CRACR2A: variants seen among roughly 807,000 people sequenced by gnomAD.
CRACR2A encodes the protein calcium release activated channel regulator 2A.
CRACR2A carries 79 observed loss-of-function variants against 90.5 expected under a neutral mutation model. The observed-to-expected ratio is 0.87, with a 90% CI of 0.73 to 1.05. The LOEUF (loss-of-function observed/expected upper bound fraction) is 1.05, where lower values mean the gene tolerates loss of function less well. Ranked by LOEUF, CRACR2A falls within the 50% of genes least tolerant of loss-of-function variation. The pLI is 0.00. For synonymous variants in CRACR2A, 338 were observed against 356.7 expected (o/e 0.95, Z 0.59); for missense variants, 823 against 897.2 (o/e 0.92, Z 1.06).
intron 1 of CRACR2A, among the ~76,000 whole-genome samples, chr12:3,745,825 TAAAGAA>T (rs1199975908): frequency 4.0e-5 from 4 of 100,486 alleles, no homozygotes; most frequent in Admixed American, 1.1e-4. Flanking sequence ...TAAAATAAAA[TAAAGAA>T]AGAAAAGAGA....
chr12:3,733,388 C>A (rs1380570766), intron 1 of CRACR2A, among the ~76,000 whole-genome samples, 178 bp from the exon 2 acceptor site: 2 of 152,224 alleles, frequency 1.3e-5, no homozygotes, highest in African/African-American at 2.4e-5. Flanking sequence ...TGACCTCCTC[C>A]CCAGCTCAGA....
At chr12:3,696,705 G>C in intron 4 of CRACR2A, 67 bp downstream of exon 4, 1 of 1,605,178 alleles carries the variant, frequency 6.2e-7, no homozygotes, top group South Asian at 1.1e-5. Context: ...CACGGGGCAA[G>C]CTCTAACCCA....
At chr12:3,748,776 G>A (rs1946661215) in intron 1 of CRACR2A, among the ~76,000 whole-genome samples, 1 of 152,206 alleles carries the variant, frequency 6.6e-6, no homozygotes, top group Non-Finnish European at 1.5e-5. Flanking sequence ...TGTGGAGCCT[G>A]TAGAGGACAA....
chr12:3,664,653 A>G (rs560602571), intron 7 of CRACR2A, among the ~76,000 whole-genome samples: 13 of 152,182 alleles, frequency 8.5e-5, no homozygotes, highest in Non-Finnish European at 1.6e-4. Flanking sequence ...GATCTCTGAG[A>G]TGTTAATTAG....
rs142243461 is a variant in CRACR2A at position 3,639,182 on chromosome 12, G to A, written c.1272-728C>T. 3.9e-3 allele frequency among the ~76,000 whole-genome samples: 587 copies of A among 152,256 alleles called. 5 individuals carry two copies. The highest frequency in any genetic ancestry group is 0.013 in the African/African-American group (539 of 41,540). On this transcript the variant is annotated intron_variant, in intron 13 of 19. Coordinates refer to ENST00000440314, the MANE Select transcript of CRACR2A (RefSeq NM_001144958.2). ...TTGGGTCAGAAGAAAGCCAGGCAGA[G>A]CATCTCCATCCACCTCTCCTTCCTC...
At chr12:3,739,696 G>T (rs1946496590) in intron 1 of CRACR2A, among the ~76,000 whole-genome samples, 1 of 152,146 alleles carries the variant, frequency 6.6e-6, no homozygotes, top group Admixed American at 6.5e-5. Context: ...AGCACTTTGG[G>T]AGGCCGAGGC....
intron 1 of CRACR2A, among the ~76,000 whole-genome samples, chr12:3,749,306 G>A (rs1418081703): frequency 6.6e-6 from 1 of 152,092 alleles, no homozygotes; most frequent in Non-Finnish European, 1.5e-5. Flanking sequence ...TTTCACTCCC[G>A]GCAGTGCCCG....
intron 3 of CRACR2A, among the ~76,000 whole-genome samples, chr12:3,708,517 C>T (rs1005125924): frequency 1.4e-4 from 21 of 152,280 alleles, no homozygotes; most frequent in Admixed American, 9.8e-4. Context: ...CTCCGCCTCC[C>T]GGGTTCGCGC....
At chr12:3,694,286 TCTTC>T (rs577982959) in intron 4 of CRACR2A, among the ~76,000 whole-genome samples, 1 of 152,358 alleles carries the variant, frequency 6.6e-6, no homozygotes, top group South Asian at 2.1e-4. Context: ...TCTGTGACTT[TCTTC>T]CCACTTGGCT....
chr12:3,663,586 G>A (rs750130430), intron 7 of CRACR2A, among the ~76,000 whole-genome samples: 4 of 152,158 alleles, frequency 2.6e-5, no homozygotes, highest in Non-Finnish European at 2.9e-5. Flanking sequence ...TGTCTCACAT[G>A]GATTTTTTAC....
intron 2 of CRACR2A, among the ~76,000 whole-genome samples, 181 bp from the exon 3 acceptor site, chr12:3,713,498 T>C (rs1362031406): frequency 2.0e-5 from 3 of 152,120 alleles, no homozygotes; most frequent in African/African-American, 4.8e-5. Flanking sequence ...GGAGGGAAGA[T>C]GAAGGAATAG....
At chr12:3,696,740 C>T (rs768714636) in intron 4 of CRACR2A, 32 bp downstream of exon 4, 1 of 1,613,340 alleles carries the variant, frequency 6.2e-7, no homozygotes, top group Non-Finnish European at 8.5e-7. Context: ...CTGGCATTCT[C>T]AGTGGGCAGG....
At chr12:3,668,050 T>G (rs1487303073) in intron 7 of CRACR2A, among the ~76,000 whole-genome samples, 6 of 152,242 alleles carry the variant, frequency 3.9e-5, no homozygotes, top group Non-Finnish European at 4.4e-5. Flanking sequence ...TTTTTATTAG[T>G]CAGGTTTACA....
intron 7 of CRACR2A, among the ~76,000 whole-genome samples, chr12:3,665,501 A>G (rs1945116795): frequency 6.6e-6 from 1 of 152,256 alleles, no homozygotes; most frequent in South Asian, 2.1e-4. Flanking sequence ...AGAAGTTGTG[A>G]AGATTAAAAA....
chr12:3,720,271 A>AAG lies in CRACR2A; in HGVS notation c.-117-6956_-117-6955dup, dbSNP rs1220197044. 8.4e-4 allele frequency among the ~76,000 whole-genome samples: 121 copies of AAG among 144,106 alleles called. 2 individuals carry two copies. Among genetic ancestry groups the AAG allele is most frequent in the African/African-American group, 3.0e-3 (116 of 38,442 alleles). The allele number at this position is 144,106 out of a possible 152,430, so 94.5% of individuals were successfully genotyped here. ...AAAGAAAGAGGGAAGGAAAGAAAGAAAGAGAGAGAGAAAGAAAGAAAGAAA... is the reference window on the plus strand; with the variant it reads ...AAAGAAAGAGGGAAGGAAAGAAAGAAAGAGAGAGAGAGAAAGAAAGAAAGAAA... On this transcript the variant is annotated intron_variant, in intron 2 of 19. Transcript: ENST00000440314.
chr12:3,645,261 T>G (rs1406970633), intron 11 of CRACR2A, among the ~76,000 whole-genome samples: 1 of 152,160 alleles, frequency 6.6e-6, no homozygotes, highest in Non-Finnish European at 1.5e-5. Flanking sequence ...AGACAGCATT[T>G]GCATAGAGCC....
intron 15 of CRACR2A, among the ~76,000 whole-genome samples, chr12:3,628,185 T>C (rs955387317): frequency 6.7e-6 from 1 of 148,982 alleles, no homozygotes; most frequent in Non-Finnish European, 1.5e-5. Context: ...CTCTCTTTCT[T>C]TCTCTCTCTC....
At chr12:3,697,474 T>C (rs560867737) in intron 3 of CRACR2A, among the ~76,000 whole-genome samples, 1 of 152,330 alleles carries the variant, frequency 6.6e-6, no homozygotes, top group South Asian at 2.1e-4. Context: ...ATCTTCATTT[T>C]AGCAGTGTGA....
intron 10 of CRACR2A, 118 bp from the exon 11 acceptor site, chr12:3,648,731 G>T: frequency 7.1e-7 from 1 of 1,406,432 alleles, no homozygotes; most frequent in Non-Finnish European, 9.6e-7. Context: ...TTGGAGGAAC[G>T]TGGCCTCCTC....
Sources: gnomAD v4.1 joint callset for allele counts (sites outside exome capture counted in the v4.1 genomes callset) on GRCh38, gnomAD v4.1.1 for gene constraint, MANE v1.5 for transcripts, NCBI Gene and HGNC (gene_info 2026-07-23, HGNC 2026-07-21) for gene names.